RYR1: variants seen among roughly 807,000 people sequenced by gnomAD.
RYR1 encodes the protein ryanodine receptor 1.
In RYR1, 342 loss-of-function variants were observed where a neutral mutation model predicts 583.5. The observed-to-expected ratio is 0.59, with a 90% CI of 0.54 to 0.64. The LOEUF is 0.64. Among genes scored for constraint, RYR1 ranks in the 30% least tolerant of loss-of-function variants. The probability of loss-of-function intolerance (pLI) is 0.00; values close to 1 mark genes in which losing one functional copy is unlikely to be tolerated. For synonymous variants in RYR1, 2,791 were observed against 2,822.5 expected (o/e 0.99, Z 0.35); for missense variants, 6,032 against 6,917.2 (o/e 0.87, Z 4.54).
At position 38,500,809 on chromosome 19, in the gene RYR1, C is replaced by T. The variant is rs1303654803; in HGVS notation, c.7445-12C>T. 1.2e-6 allele frequency: 2 copies of T among 1,611,870 alleles called. No homozygotes were observed. The highest frequency in any genetic ancestry group is 1.7e-6 in the Non-Finnish European group (2 of 1,178,638). ...CGCAGGGCATCCCCGAACCCACCCT[C>T]CCTGCCTGCAGATGGGGCTCTGGTG... On this transcript the variant is annotated splice_polypyrimidine_tract_variant and intron_variant, in intron 46 of 105. Coordinates refer to ENST00000359596, the MANE Select transcript of RYR1 (RefSeq NM_000540.3). The surrounding 1 kb of genome is among the most constrained non-coding windows in gnomAD (Gnocchi z 5.9).
chr19:38,578,239 G>A, intron 99 of RYR1, 35 bp downstream of exon 99: 1 of 1,607,254 alleles, frequency 6.2e-7, no homozygotes, highest in African/African-American at 1.3e-5. Context: ...GAGGGACTCT[G>A]CAGGGGTGGG....
chr19:38,531,211 G>A (rs1256846297), intron 76 of RYR1, among the ~76,000 whole-genome samples: 2 of 151,658 alleles, frequency 1.3e-5, no homozygotes, highest in African/African-American at 2.4e-5. Context: ...AGGCCATCTC[G>A]GGCTGCAAGG....
chr19:38,493,149 G>C (rs1421001980), intron 38 of RYR1, among the ~76,000 whole-genome samples: 1 of 152,110 alleles, frequency 6.6e-6, no homozygotes, highest in Non-Finnish European at 1.5e-5. Flanking sequence ...GTTGGACCAG[G>C]GTGACACAGC....
chr19:38,495,852 T>C (rs1028230152), intron 39 of RYR1, among the ~76,000 whole-genome samples: 1 of 152,144 alleles, frequency 6.6e-6, no homozygotes, highest in Non-Finnish European at 1.5e-5. Flanking sequence ...AACCTCCGCA[T>C]ACCGGGTTCA....
intron 91 of RYR1, among the ~76,000 whole-genome samples, 153 bp from the exon 92 acceptor site, chr19:38,566,758 C>T (rs989604027): frequency 7.9e-5 from 12 of 152,150 alleles, no homozygotes; most frequent in African/African-American, 2.7e-4. Context: ...CTCTGTAAAA[C>T]GGGAATCATA....
At chr19:38,566,700 C>T (rs1025024761) in intron 91 of RYR1, among the ~76,000 whole-genome samples, 1 of 152,016 alleles carries the variant, frequency 6.6e-6, no homozygotes. Flanking sequence ...CCCGACCCTG[C>T]GCAGTGCTTT....
intron 31 of RYR1, among the ~76,000 whole-genome samples, chr19:38,481,596 G>A (rs73542803): frequency 0.18 from 28,116 of 152,036 alleles, 3,340 homozygotes; most frequent in African/African-American, 0.32. Flanking sequence ...GCTCCTCAAA[G>A]TGTGGTCCCT....
intron 13 of RYR1, among the ~76,000 whole-genome samples, chr19:38,453,461 G>C (rs1298760694): frequency 6.6e-6 from 1 of 151,896 alleles, no homozygotes; most frequent in African/African-American, 2.4e-5. Context: ...GAATCAGTGT[G>C]GGGTATGGGA....
In RYR1 at chr19:38,448,525, G is replaced by T. The variant is rs1359630856; in HGVS notation, c.957+14G>T. The T allele has an allele frequency of 1.2e-6, 2 of 1,612,268 alleles. No homozygotes were observed. The highest frequency in any genetic ancestry group is 1.7e-6 in the Non-Finnish European group (2 of 1,178,330). On this transcript the variant is annotated intron_variant, in intron 10 of 105. Coordinates refer to ENST00000359596, the MANE Select transcript of RYR1 (RefSeq NM_000540.3). ...CGCATCTCCAAGGTCAGTGGGGTTT[G>T]TGGCGCCCTCCCTCACCTGAAGCCC...
chr19:38,534,629 T>TG, intron 78 of RYR1, 91 bp from the exon 79 acceptor site: 1 of 1,109,964 alleles, frequency 9.0e-7, no homozygotes. Flanking sequence ...TGGATGTGGC[T>TG]GGAACAGGGA....
At chr19:38,458,770 A>G (rs1344994782) in intron 18 of RYR1, among the ~76,000 whole-genome samples, 2 of 152,094 alleles carry the variant, frequency 1.3e-5, no homozygotes, top group East Asian at 1.9e-4. Context: ...GATTACAGGC[A>G]TGCACCACCA....
chr19:38,521,555 G>A (rs947480178), intron 67 of RYR1, among the ~76,000 whole-genome samples: 4 of 150,798 alleles, frequency 2.7e-5, no homozygotes, highest in African/African-American at 4.9e-5. Flanking sequence ...GCGTGGTGGC[G>A]CATACCTGTA....
chr19:38,477,920 G>A (rs750710862), intron 30 of RYR1, 50 bp downstream of exon 30: 31 of 1,544,594 alleles, frequency 2.0e-5, no homozygotes, highest in Non-Finnish European at 2.5e-5. Context: ...AGGGCAGGAG[G>A]CAGTCAGAGC....
chr19:38,489,098 C>T (rs1349770220), intron 34 of RYR1, 79 bp from the exon 35 acceptor site: 1 of 1,217,880 alleles, frequency 8.2e-7, no homozygotes. Flanking sequence ...GCATGAGGGG[C>T]AGGTCTGGAG....
intron 19 of RYR1, 83 bp from the exon 20 acceptor site, chr19:38,460,292 G>A: frequency 7.8e-7 from 1 of 1,279,822 alleles, no homozygotes; most frequent in South Asian, 1.2e-5. Flanking sequence ...ATTGATCCCA[G>A]GACTGCTTCC....
Position 38,512,304 on chromosome 19 carries a change from G to T in RYR1, c.9293G>T (p.Ser3098Ile), listed in dbSNP as rs749716677. 5 of 1,614,246 alleles carry T rather than the reference G, an allele frequency of 3.1e-6. No individual in the cohort carries two copies. The highest frequency in any genetic ancestry group is 4.2e-6 in the Non-Finnish European group (5 of 1,180,056). Reference protein sequence around the residue: ...VKAGLRSFFESASEDIEKMVE... With the variant: ...VKAGLRSFFEIASEDIEKMVE... The stretch of plus-strand genomic sequence containing the variant: ...GCTGGCCTCCGCTCCTTCTTCGAGA[G>T]TGCCTCGGAGGACATCGAGAAGATG... The change falls in exon 63 of 106, where the codon AGT (serine) becomes ATT (isoleucine). Residue 3098 changes from serine (S) to isoleucine (I), a missense_variant. By Grantham distance (142) the Ser-to-Ile change is moderately radical (BLOSUM62 -2). Around this residue, in one of 11 missense-constraint regions of RYR1, gnomAD observed 1,493 missense variants for 1,715.5 expected, o/e 0.87. Coordinates refer to ENST00000359596, the MANE Select transcript of RYR1 (RefSeq NM_000540.3). The surrounding 1 kb of genome is among the most constrained non-coding windows in gnomAD (Gnocchi z 5.1).
chr19:38,582,187 T>C (rs141989504), intron 101 of RYR1, among the ~76,000 whole-genome samples: 8 of 151,966 alleles, frequency 5.3e-5, no homozygotes, highest in East Asian at 1.9e-4. Context: ...TACCTGAGGT[T>C]GGGAGTTTGA....
intron 33 of RYR1, among the ~76,000 whole-genome samples, chr19:38,484,963 C>G (rs1052755767): frequency 1.3e-5 from 2 of 151,906 alleles, no homozygotes; most frequent in Non-Finnish European, 2.9e-5. Flanking sequence ...AGAGCAAGAC[C>G]CCATCACTAA....
chr19:38,520,356 A>G (rs1476387919), intron 67 of RYR1, among the ~76,000 whole-genome samples: 1 of 145,538 alleles, frequency 6.9e-6, no homozygotes, highest in Non-Finnish European at 1.5e-5. Flanking sequence ...GTGAGCCACC[A>G]CACTTAGCTG....
Sources: gnomAD v4.1 joint callset for allele counts (sites outside exome capture counted in the v4.1 genomes callset) on GRCh38, gnomAD v4.1.1 for gene constraint, gnomAD v4.1.1 regional missense constraint, Gnocchi (gnomAD v3.1) non-coding constraint, MANE v1.5 for transcripts, NCBI Gene and HGNC (gene_info 2026-07-23, HGNC 2026-07-21) for gene names.